Variants in STAC observed in about 807,000 individuals in gnomAD.
STAC encodes the protein SH3 and cysteine rich domain.
Under a neutral mutation model 48.8 loss-of-function variants are expected in STAC, and 43 were observed. That is an observed-to-expected ratio of 0.88 (90% CI 0.69 to 1.14). The LOEUF is 1.14. STAC is among the 50% of genes most tolerant of loss of function. The pLI is 0.00. For synonymous variants in STAC, 193 were observed against 179.5 expected, an observed-to-expected ratio of 1.07 and a Z score of -0.60; for missense variants, 497 against 504.0, an observed-to-expected ratio of 0.99 and a Z score of 0.13.
chr3:36,484,557 C>A (rs967645431), intron 3 of STAC, among the ~76,000 whole-genome samples: 3 of 152,190 alleles, frequency 2.0e-5, no homozygotes, highest in Admixed American at 6.5e-5. Context: ...AGCTTTTAGG[C>A]CTCCCTCTGA....
At chr3:36,406,434 C>G (rs968546086) in intron 1 of STAC, among the ~76,000 whole-genome samples, 1 of 152,202 alleles carries the variant, frequency 6.6e-6, no homozygotes, top group Non-Finnish European at 1.5e-5. Context: ...CTCACATCTA[C>G]CAGCTGTGCC....
chr3:36,420,416 C>T (rs73059988), intron 1 of STAC, among the ~76,000 whole-genome samples: 3,548 of 152,288 alleles, frequency 0.023, 61 homozygotes, highest in East Asian at 0.026. Flanking sequence ...CCCTGGGCCA[C>T]GGACTAGTAC....
At chr3:36,463,636 G>T (rs193200604) in intron 2 of STAC, among the ~76,000 whole-genome samples, 3 of 150,690 alleles carry the variant, frequency 2.0e-5, no homozygotes, top group South Asian at 4.2e-4. Context: ...TCAACATTAG[G>T]TATATCTCCA....
At chr3:36,471,394 C>T (rs575385102) in intron 2 of STAC, among the ~76,000 whole-genome samples, 6 of 152,280 alleles carry the variant, frequency 3.9e-5, no homozygotes, top group African/African-American at 1.4e-4. Context: ...CATTCCACCC[C>T]TAACCCCTTC....
At chr3:36,526,225 T>C (rs919403704) in intron 8 of STAC, among the ~76,000 whole-genome samples, 3 of 152,134 alleles carry the variant, frequency 2.0e-5, no homozygotes, top group South Asian at 2.1e-4. Context: ...AGTGGATTGA[T>C]TGCATTAATG....
chr3:36,470,752 CCTGCCTCCTGT>C (rs1321319017), intron 2 of STAC, among the ~76,000 whole-genome samples: 1 of 152,212 alleles, frequency 6.6e-6, no homozygotes, highest in Non-Finnish European at 1.5e-5. Context: ...GCAAGCTAGT[CCTGCCTCCTGT>C]CTGCCATCTT....
At chr3:36,515,535 G>A (rs1304732917) in intron 8 of STAC, among the ~76,000 whole-genome samples, 2 of 152,170 alleles carry the variant, frequency 1.3e-5, no homozygotes, top group South Asian at 4.1e-4. Context: ...AGTGAGATAC[G>A]TGATGACATT....
rs749192922 is a variant in STAC, at chr3:36,483,016, G to A, written c.413G>A (p.Arg138His). The change falls in exon 3 of 11, where the codon CGC becomes CAC. Residue 138 changes from arginine to histidine, a missense_variant. Arg to His is a conservative substitution (Grantham distance 29, BLOSUM62 0). Coordinates refer to ENST00000273183, the MANE Select transcript of STAC (RefSeq NM_003149.3). ...GGAACAAATGCTAAGCATGGACTGCGCTGCAAAGCCTGTAAGATGAGCATC... is the reference window on the plus strand; with the variant it reads ...GGAACAAATGCTAAGCATGGACTGCACTGCAAAGCCTGTAAGATGAGCATC... ...IVGTNAKHGLRCKACKMSIHH... is the reference protein window; with the variant it reads ...IVGTNAKHGLHCKACKMSIHH... 5.6e-6 allele frequency: 9 copies of A among 1,614,074 alleles called. No homozygotes were observed. Among genetic ancestry groups the A allele is most frequent in the Non-Finnish European group, 7.6e-6 (9 of 1,179,968 alleles).
rs569546180 is a variant in STAC at position 36,485,341 on chromosome 3, C to T, written c.571+283C>T. Among the ~76,000 whole-genome samples the T allele has an allele frequency of 1.6e-4, 24 of 152,268 alleles. No individual in the cohort carries two copies. The South Asian group carries it at 3.1e-3, about 20-fold the overall frequency. On this transcript the variant is annotated intron_variant, in intron 4 of 10. Coordinates refer to ENST00000273183, the MANE Select transcript of STAC (RefSeq NM_003149.3). ...GCAGCATGGTGGAGTGGAAAGAACA[C>T]GGAGAATGGCTTCCCCCAGACCAGG...
At chr3:36,423,667 G>A (rs778715426) in intron 1 of STAC, among the ~76,000 whole-genome samples, 4 of 151,918 alleles carry the variant, frequency 2.6e-5, no homozygotes, top group Non-Finnish European at 4.4e-5. Flanking sequence ...CTTACTTTTC[G>A]ATAAGTTTCT....
At chr3:36,439,884 G>A (rs1244167973) in intron 1 of STAC, among the ~76,000 whole-genome samples, 1 of 152,142 alleles carries the variant, frequency 6.6e-6, no homozygotes, top group African/African-American at 2.4e-5. Flanking sequence ...TATCCATCAA[G>A]ATACACTAGC....
chr3:36,543,704 A>G (rs1259168122), intron 10 of STAC, among the ~76,000 whole-genome samples: 1 of 152,118 alleles, frequency 6.6e-6, no homozygotes, highest in Non-Finnish European at 1.5e-5. Context: ...GAGATAATGA[A>G]ATGCTCTGAA....
At chr3:36,452,214 T>A (rs910393992) in intron 2 of STAC, among the ~76,000 whole-genome samples, 8 of 152,222 alleles carry the variant, frequency 5.3e-5, no homozygotes, top group Admixed American at 2.0e-4. Context: ...ACCCCACACA[T>A]CATTTCAGCA....
chr3:36,530,580 C>CTTTTTTTTTTTTTTTTTTTTTT, intron 10 of STAC, among the ~76,000 whole-genome samples: 1 of 102,704 alleles, frequency 9.7e-6, no homozygotes, highest in Non-Finnish European at 1.8e-5. Flanking sequence ...TTCACCTTTT[C>CTTTTTTTTTTTTTTTTTTTTTT]TTTTTTTTTT....
chr3:36,477,886 A>G (rs1367928658), intron 2 of STAC, among the ~76,000 whole-genome samples: 2 of 152,220 alleles, frequency 1.3e-5, no homozygotes, highest in African/African-American at 2.4e-5. Flanking sequence ...CATCATTCCA[A>G]GGGATGACTT....
rs529845230 is a variant in STAC, at chr3:36,457,462, A to C, written c.388+13822A>C. Among the ~76,000 whole-genome samples the C allele has an allele frequency of 7.2e-5, 11 of 152,332 alleles. No homozygotes were observed. In the South Asian group the frequency reaches 1.4e-3, roughly 20 times the overall value. On this transcript the variant is annotated intron_variant, in intron 2 of 10. Transcript: ENST00000273183. The stretch of plus-strand genomic sequence containing the variant: ...AAAGCTATCTTTATGTGTGAAAAGC[A>C]GGTTGATATTAACCGTATATCAAAT...
At chr3:36,464,327 G>T (rs1223835556) in intron 2 of STAC, among the ~76,000 whole-genome samples, 1 of 152,136 alleles carries the variant, frequency 6.6e-6, no homozygotes, top group Non-Finnish European at 1.5e-5. Context: ...CTTTTGAGAA[G>T]TGTCTGTTCA....
At chr3:36,390,002 G>A (rs1421705151) in intron 1 of STAC, among the ~76,000 whole-genome samples, 1 of 152,136 alleles carries the variant, frequency 6.6e-6, no homozygotes, top group African/African-American at 2.4e-5. Context: ...GTAGGGACAG[G>A]GGTTTATTGC....
intron 2 of STAC, among the ~76,000 whole-genome samples, chr3:36,460,641 C>T (rs895240679): frequency 6.7e-6 from 1 of 148,782 alleles, no homozygotes; most frequent in Non-Finnish European, 1.5e-5. Context: ...GCCCTGCACA[C>T]ATACACAGAA....
Sources: gnomAD v4.1 joint callset for allele counts (sites outside exome capture counted in the v4.1 genomes callset) on GRCh38, gnomAD v4.1.1 for gene constraint, MANE v1.5 for transcripts, NCBI Gene and HGNC (gene_info 2026-07-23, HGNC 2026-07-21) for gene names.